The following CTXND2 variants were observed in gnomAD, a reference collection of about 807,000 sequenced individuals.
The protein encoded by CTXND2 is cortexin domain containing 2.
intron 1 of CTXND2, among the ~76,000 whole-genome samples, chr1:150,897,741 G>A (rs1453305184): frequency 6.6e-6 from 1 of 152,166 alleles, no homozygotes; most frequent in Admixed American, 6.5e-5. Flanking sequence ...TAAACAATGT[G>A]ATATATCTAT....
At chr1:150,904,763 G>C (rs369566663) in intron 1 of CTXND2, among the ~76,000 whole-genome samples, 3 of 152,218 alleles carry the variant, frequency 2.0e-5, no homozygotes, top group East Asian at 3.9e-4. Context: ...AGACATTTTA[G>C]TGTGTTTTAT....
rs994716494 is a variant in CTXND2 at position 150,902,124 on chromosome 1, G to C, written c.-73-10118G>C. ...CTACTAAAAATACAAAAATTTGGCTGGGCGCCGTGGCTCACGCCTGTAATC... is the reference window on the plus strand; with the variant it reads ...CTACTAAAAATACAAAAATTTGGCTCGGCGCCGTGGCTCACGCCTGTAATC... On this transcript the variant is annotated intron_variant, in intron 1 of 1. Coordinates refer to ENST00000636087, the Ensembl canonical transcript of CTXND2. Among the ~76,000 whole-genome samples, 7 of 152,056 alleles carry C rather than the reference G, an allele frequency of 4.6e-5. No individual in the cohort carries two copies. In the South Asian group the frequency reaches 1.2e-3, roughly 27 times the overall value.
chr1:150,905,942 A>G (rs1337910529), intron 1 of CTXND2, among the ~76,000 whole-genome samples: 2 of 151,094 alleles, frequency 1.3e-5, no homozygotes, highest in African/African-American at 4.9e-5. Context: ...GTGAGCTGAG[A>G]TCACACCACT....
At chr1:150,911,145 A>T in intron 1 of CTXND2, among the ~76,000 whole-genome samples, 1 of 131,696 alleles carries the variant, frequency 7.6e-6, no homozygotes, top group African/African-American at 3.0e-5. Flanking sequence ...ACAGGGTTTC[A>T]TTATGTTGGC....
At chr1:150,887,195 C>T (rs1668785759) in exon 1 of CTXND2, 2 of 152,314 alleles carry the variant, frequency 1.3e-5, no homozygotes, top group Admixed American at 6.6e-5. Flanking sequence ...GAGCTACCAA[C>T]CACTCTCCTT....
At chr1:150,902,546 C>T (rs971802732) in intron 1 of CTXND2, among the ~76,000 whole-genome samples, 17 of 151,804 alleles carry the variant, frequency 1.1e-4, no homozygotes, top group African/African-American at 3.6e-4. Flanking sequence ...CCAGCCTGGC[C>T]GACGGAAATG....
chr1:150,896,256 A>T (rs996148251), intron 1 of CTXND2, among the ~76,000 whole-genome samples: 1 of 152,230 alleles, frequency 6.6e-6, no homozygotes, highest in Non-Finnish European at 1.5e-5. Flanking sequence ...GAAAAGCCAT[A>T]GACACATAAA....
chr1:150,907,233 GT>G (rs1669163995), intron 1 of CTXND2, among the ~76,000 whole-genome samples: 2 of 152,264 alleles, frequency 1.3e-5, no homozygotes, highest in South Asian at 4.1e-4. Flanking sequence ...CAATTGAATG[GT>G]TTTTAGCACA....
intron 1 of CTXND2, among the ~76,000 whole-genome samples, chr1:150,900,581 G>T (rs1668997716): frequency 6.6e-6 from 1 of 152,140 alleles, no homozygotes; most frequent in Non-Finnish European, 1.5e-5. Context: ...CCGGGAGGTG[G>T]AGGTTACAGT....
intron 1 of CTXND2, among the ~76,000 whole-genome samples, chr1:150,904,566 A>G (rs188717010): frequency 4.9e-4 from 74 of 152,318 alleles, no homozygotes; most frequent in African/African-American, 1.7e-3. Context: ...TTATGTGAAT[A>G]TATTTGAATA....
chr1:150,906,839 G>A (rs1250935309), intron 1 of CTXND2, among the ~76,000 whole-genome samples: 4 of 152,170 alleles, frequency 2.6e-5, no homozygotes, highest in Admixed American at 1.3e-4. Flanking sequence ...GATATCCAAC[G>A]TGAGTTTAGG....
intron 1 of CTXND2, among the ~76,000 whole-genome samples, chr1:150,889,334 A>G (rs951520480): frequency 2.0e-5 from 3 of 147,298 alleles, no homozygotes; most frequent in Non-Finnish European, 4.5e-5. Context: ...CGGGAGACAG[A>G]GCTTGCAGTG....
intron 1 of CTXND2, among the ~76,000 whole-genome samples, chr1:150,893,301 T>C (rs1333059144): frequency 2.0e-5 from 3 of 152,184 alleles, no homozygotes; most frequent in African/African-American, 7.2e-5. Context: ...TGTTTTCTTC[T>C]TTTTCAATCC....
At chr1:150,898,931 A>T (rs2925738) in intron 1 of CTXND2, among the ~76,000 whole-genome samples, 40,357 of 138,910 alleles carry the variant, frequency 0.29, 6,091 homozygotes, top group Non-Finnish European at 0.31. Context: ...CAAAAAAAAA[A>T]ATATATATAT....
chr1:150,900,854 G>C (rs1469451359), intron 1 of CTXND2, among the ~76,000 whole-genome samples: 1 of 152,138 alleles, frequency 6.6e-6, no homozygotes, highest in Non-Finnish European at 1.5e-5. Flanking sequence ...ATTCGAGACT[G>C]GGCATGGTGG....
intron 1 of CTXND2, among the ~76,000 whole-genome samples, chr1:150,907,108 G>A (rs1454226477): frequency 6.6e-6 from 1 of 152,180 alleles, no homozygotes; most frequent in Admixed American, 6.6e-5. Flanking sequence ...AGGGAGAAGA[G>A]CTAATAGAAC....
intron 1 of CTXND2, among the ~76,000 whole-genome samples, chr1:150,893,421 C>G (rs1200136807): frequency 6.6e-6 from 1 of 151,940 alleles, no homozygotes; most frequent in African/African-American, 2.4e-5. Flanking sequence ...AAAGGAAAAT[C>G]TTTCAACTGT....
intron 1 of CTXND2, among the ~76,000 whole-genome samples, chr1:150,899,670 A>G (rs1668966280): frequency 6.6e-6 from 1 of 152,028 alleles, no homozygotes; most frequent in Admixed American, 6.5e-5. Context: ...AACAAAAACA[A>G]AACATGGCCT....
chr1:150,896,129 C>A (rs1285951939), intron 1 of CTXND2, among the ~76,000 whole-genome samples: 1 of 152,100 alleles, frequency 6.6e-6, no homozygotes, highest in Non-Finnish European at 1.5e-5. Context: ...TGGAAAGGAG[C>A]AGGAGAGATG....
Sources: gnomAD v4.1 joint callset for allele counts (sites outside exome capture counted in the v4.1 genomes callset) on GRCh38, gnomAD v4.1.1 for gene constraint, MANE v1.5 for transcripts, NCBI Gene and HGNC (gene_info 2026-07-23, HGNC 2026-07-21) for gene names.